The following MLLT3 variants were observed in gnomAD, a reference collection of about 807,000 sequenced individuals.
MLLT3 encodes the protein protein AF-9.
In MLLT3, 4 loss-of-function variants were observed where a neutral mutation model predicts 53.2. The ratio of observed to expected loss-of-function variants is 0.08; its 90% CI spans 0.04 to 0.17. The LOEUF (loss-of-function observed/expected upper bound fraction) is 0.17. Among genes scored for constraint, MLLT3 ranks in the 10% least tolerant of loss-of-function variants. MLLT3 has a pLI of 1.00. For missense variants in MLLT3, 569 were observed against 684.0 expected (o/e 0.83, Z 1.87); for synonymous variants, 283 against 230.6 (o/e 1.23, Z -2.06).
At chr9:20,484,365 A>C (rs1824751072) in intron 2 of MLLT3, among the ~76,000 whole-genome samples, 1 of 152,204 alleles carries the variant, frequency 6.6e-6, no homozygotes, top group African/African-American at 2.4e-5. Context: ...TACCTCTGAC[A>C]GAACAATTGT....
chr9:20,363,739 A>G, intron 6 of MLLT3, 134 bp from the exon 7 acceptor site: 1 of 781,850 alleles, frequency 1.3e-6, no homozygotes, highest in Non-Finnish European at 1.8e-6. Context: ...TACAATTTAC[A>G]AGGCAAATTT....
chr9:20,412,081 A>G (rs1822743200), intron 5 of MLLT3: 1 of 152,188 alleles, frequency 6.6e-6, no homozygotes. Context: ...ACAACCCATG[A>G]TTTGAAAACC....
chr9:20,583,151 C>T (rs1402373624), intron 2 of MLLT3, among the ~76,000 whole-genome samples: 1 of 152,078 alleles, frequency 6.6e-6, no homozygotes, highest in African/African-American at 2.4e-5. Context: ...ACTGGCCAAA[C>T]AAAGGAGTTA....
chr9:20,483,245 T>TATTA (rs557112377), intron 2 of MLLT3, among the ~76,000 whole-genome samples: 30 of 150,794 alleles, frequency 2.0e-4, no homozygotes, highest in Admixed American at 7.9e-4. Context: ...ATTATTATTT[T>TATTA]TTTTTTTGAG....
intron 2 of MLLT3, among the ~76,000 whole-genome samples, chr9:20,545,690 G>A (rs928104473): frequency 1.3e-4 from 19 of 151,654 alleles, no homozygotes; most frequent in Non-Finnish European, 4.4e-5. Flanking sequence ...AAATCAGCCC[G>A]AGCAGCAAAT....
At chr9:20,565,130 A>G (rs1819315335) in intron 2 of MLLT3, among the ~76,000 whole-genome samples, 1 of 150,020 alleles carries the variant, frequency 6.7e-6, no homozygotes, top group Middle Eastern at 3.2e-3. Context: ...ACTGACTGAT[A>G]TGTTTTTTTT....
rs1434138108 is a variant in MLLT3 at position 20,342,908 on chromosome 9, A to G, written c.*3535T>C. The G allele has an allele frequency of 5.4e-6, 1 of 185,794 alleles. No individual in the cohort carries two copies. The highest frequency in any genetic ancestry group is 2.4e-5 in the African/African-American group (1 of 42,312). The allele number at this position is 185,794 out of a possible 1,614,324, so 11.5% of individuals were successfully genotyped here. ...TTAGTACACAAAACGCTAAAGGTGG[A>G]AAGTAATAAGCATACAGCAAATTAC... is the stretch of plus-strand genomic sequence containing the variant. On this transcript the variant is annotated 3_prime_UTR_variant, in exon 11 of 11. Coordinates refer to ENST00000380338, the MANE Select transcript of MLLT3 (RefSeq NM_004529.4).
intron 5 of MLLT3, chr9:20,410,654 C>T (rs959093805): frequency 6.6e-6 from 1 of 152,028 alleles, no homozygotes; most frequent in Non-Finnish European, 1.5e-5. Flanking sequence ...TTCTCACATA[C>T]AAAGGATATG....
At chr9:20,582,306 T>C (rs1819813563) in intron 2 of MLLT3, among the ~76,000 whole-genome samples, 1 of 152,174 alleles carries the variant, frequency 6.6e-6, no homozygotes, top group Non-Finnish European at 1.5e-5. Context: ...TTTTGACAAA[T>C]GTATAACGTC....
At chr9:20,449,470 C>T (rs775618990) in intron 3 of MLLT3, among the ~76,000 whole-genome samples, 3 of 152,172 alleles carry the variant, frequency 2.0e-5, no homozygotes, top group African/African-American at 7.2e-5. Flanking sequence ...TCTTTAGCCA[C>T]GCAAGGTGAA....
At chr9:20,365,768 C>A (rs1186556526) in intron 5 of MLLT3, 24 bp from the exon 6 acceptor site, 2 of 1,612,910 alleles carry the variant, frequency 1.2e-6, no homozygotes, top group Non-Finnish European at 8.5e-7. Flanking sequence ...TAAAAAGGCA[C>A]CATCAATAAA....
intron 6 of MLLT3, among the ~76,000 whole-genome samples, chr9:20,365,223 C>T (rs1335901507): frequency 6.6e-6 from 1 of 152,182 alleles, no homozygotes. Flanking sequence ...CAGAACAATA[C>T]TCAACTGTAT....
chr9:20,445,759 T>C (rs1162083020), intron 4 of MLLT3, among the ~76,000 whole-genome samples: 1 of 152,182 alleles, frequency 6.6e-6, no homozygotes, highest in African/African-American at 2.4e-5. Context: ...AATTATTTTT[T>C]CCTTTTAAGG....
chr9:20,455,147 A>C (rs149842274), intron 3 of MLLT3, among the ~76,000 whole-genome samples: 89 of 152,338 alleles, frequency 5.8e-4, no homozygotes, highest in Non-Finnish European at 1.1e-3. Flanking sequence ...ACGTCAACAG[A>C]CATAAATACA....
At chr9:20,348,404 G>A (rs993138275) in intron 10 of MLLT3, among the ~76,000 whole-genome samples, 1 of 152,154 alleles carries the variant, frequency 6.6e-6, no homozygotes, top group African/African-American at 2.4e-5. Context: ...TGCATCTTTT[G>A]CCTTCTTTCC....
chr9:20,461,293 C>T (rs773565496), intron 2 of MLLT3, among the ~76,000 whole-genome samples: 1 of 152,032 alleles, frequency 6.6e-6, no homozygotes, highest in Non-Finnish European at 1.5e-5. Flanking sequence ...TAGTATGATG[C>T]TAACCATACA....
intron 2 of MLLT3, among the ~76,000 whole-genome samples, chr9:20,513,391 C>T (rs1313525644): frequency 6.6e-6 from 1 of 152,148 alleles, no homozygotes; most frequent in African/African-American, 2.4e-5. Context: ...ATACCAGAAG[C>T]AACGTACGAC....
intron 4 of MLLT3, among the ~76,000 whole-genome samples, chr9:20,422,147 C>T (rs774390183): frequency 6.6e-6 from 1 of 151,940 alleles, no homozygotes; most frequent in Non-Finnish European, 1.5e-5. Context: ...ACTTGAGAAG[C>T]CCAAGAGTCT....
In MLLT3 at chr9:20,378,865, T is replaced by C. The variant is rs192940652; in HGVS notation, c.1126-13121A>G. ...AAAACTTAGGAGGTAGATTCTTCTG[T>C]TGTGTTCTCAATGTAGCCCCTTTAA... On this transcript the variant is annotated intron_variant, in intron 5 of 10. Transcript: ENST00000380338. Among the ~76,000 whole-genome samples the C allele has an allele frequency of 4.6e-5, 7 of 152,206 alleles. No homozygotes were observed. In the East Asian group the frequency reaches 1.4e-3, roughly 29 times the overall value.
Sources: allele counts gnomAD v4.1 joint callset (sites outside exome capture counted in the v4.1 genomes callset), GRCh38; gene constraint gnomAD v4.1.1; transcripts MANE v1.5; gene names NCBI Gene and HGNC (gene_info 2026-07-23, HGNC 2026-07-21).